Variants in TENM3 observed in about 807,000 individuals in gnomAD.
TENM3 encodes the protein teneurin transmembrane protein 3, also known as teneurin-3.
TENM3 carries 63 observed loss-of-function variants against 255.1 expected under a neutral mutation model. That is an observed-to-expected ratio of 0.25 (90% CI 0.20 to 0.30). The LOEUF (loss-of-function observed/expected upper bound fraction) is 0.30. TENM3 is among the 10% of genes least tolerant of loss of function. The pLI is 1.00. For synonymous variants in TENM3, 1,306 were observed against 1,322.3 expected (o/e 0.99, Z 0.27); for missense variants, 2,929 against 3,461.1 (o/e 0.85, Z 3.86).
chr4:182,044,726 T>C, the TENM3 span, among the ~76,000 whole-genome samples: 1 of 152,200 alleles, frequency 6.6e-6, no homozygotes, highest in East Asian at 1.9e-4. Context: ...CCCGGGCCTT[T>C]ATAGAATGGA....
intron 3 of TENM3, among the ~76,000 whole-genome samples, chr4:182,445,711 A>C (rs1043341762): frequency 2.8e-4 from 42 of 152,144 alleles, no homozygotes; most frequent in African/African-American, 9.7e-4. Flanking sequence ...ATGCCTAAAG[A>C]ACTGAATTCA....
intron 1 of TENM3, among the ~76,000 whole-genome samples, chr4:182,160,947 T>G (rs1169400636): frequency 2.0e-5 from 3 of 152,150 alleles, no homozygotes; most frequent in Non-Finnish European, 4.4e-5. Flanking sequence ...CATAGATATA[T>G]ACACTTGTCA....
intron 3 of TENM3, among the ~76,000 whole-genome samples, chr4:182,398,053 C>A (rs756392473): frequency 1.3e-5 from 2 of 152,090 alleles, no homozygotes; most frequent in Non-Finnish European, 2.9e-5. Context: ...AAGCAGTAGC[C>A]TGGACAGCCC....
chr4:182,433,623 T>G (rs184189976), intron 3 of TENM3, among the ~76,000 whole-genome samples: 2 of 152,156 alleles, frequency 1.3e-5, no homozygotes, highest in Non-Finnish European at 2.9e-5. Flanking sequence ...TCGAGTGGTC[T>G]CCTGAAATAA....
rs113331527 is a variant in TENM3 at position 182,652,612 on chromosome 4, T to G, written c.989-1159T>G. Among the ~76,000 whole-genome samples the G allele has an allele frequency of 6.3e-3, 953 of 152,326 alleles. 9 individuals carry two copies. The highest frequency in any genetic ancestry group is 0.022 in the African/African-American group (919 of 41,564). On this transcript the variant is annotated intron_variant, in intron 5 of 27. Transcript: ENST00000511685. The stretch of plus-strand genomic sequence containing the variant: ...TTCTAGACTGAAGATTGAACCAAAG[T>G]CTGACTGCATCCAAAGCCCCTGCTC...
chr4:181,534,404 C>T, the TENM3 span, among the ~76,000 whole-genome samples: 4 of 152,076 alleles, frequency 2.6e-5, no homozygotes, highest in African/African-American at 4.8e-5. Context: ...TAAACTAAGA[C>T]ATTTTAGTTC....
At chr4:182,526,174 G>C (rs886321216) in intron 3 of TENM3, among the ~76,000 whole-genome samples, 4 of 152,014 alleles carry the variant, frequency 2.6e-5, no homozygotes, top group Non-Finnish European at 5.9e-5. Context: ...TAGAGACGGG[G>C]TTTCACAGTG....
At chr4:181,679,649 G>A in the TENM3 span, among the ~76,000 whole-genome samples, 2 of 152,026 alleles carry the variant, frequency 1.3e-5, no homozygotes, top group South Asian at 4.1e-4. Context: ...CCTTCCTCCT[G>A]AGGGAATATA....
intron 3 of TENM3, among the ~76,000 whole-genome samples, chr4:182,361,186 G>A (rs1765949053): frequency 6.6e-6 from 1 of 152,016 alleles, no homozygotes; most frequent in Admixed American, 6.6e-5. Flanking sequence ...TGGTGAATCT[G>A]ACAATTATGT....
At chr4:181,873,353 GCCA>G in the TENM3 span, among the ~76,000 whole-genome samples, 1 of 152,166 alleles carries the variant, frequency 6.6e-6, no homozygotes, top group Non-Finnish European at 1.5e-5. Flanking sequence ...ACAGGCGTGA[GCCA>G]CCACGCCCGG....
chr4:182,080,336 AT>A, the TENM3 span, among the ~76,000 whole-genome samples: 1 of 152,204 alleles, frequency 6.6e-6, no homozygotes, highest in Non-Finnish European at 1.5e-5. Flanking sequence ...GTTTCAAGAC[AT>A]TGGAAGATAT....
At chr4:182,390,419 T>C (rs1768343095) in intron 3 of TENM3, among the ~76,000 whole-genome samples, 1 of 152,198 alleles carries the variant, frequency 6.6e-6, no homozygotes, top group Non-Finnish European at 1.5e-5. Context: ...GTGGTTGTTG[T>C]TGCCAAGGAC....
the TENM3 span, among the ~76,000 whole-genome samples, chr4:181,868,547 C>T: frequency 6.6e-6 from 1 of 152,170 alleles, no homozygotes; most frequent in Non-Finnish European, 1.5e-5. Flanking sequence ...TAAGCCTCTA[C>T]TTGTGTTCTT....
the TENM3 span, among the ~76,000 whole-genome samples, chr4:181,696,125 G>A: frequency 7.9e-5 from 12 of 152,114 alleles, no homozygotes; most frequent in East Asian, 1.9e-4. Flanking sequence ...ATGGTGAATC[G>A]TAAGACTAGT....
the TENM3 span, among the ~76,000 whole-genome samples, chr4:181,912,526 G>C: frequency 2.7e-3 from 417 of 152,190 alleles, 1 homozygote; most frequent in African/African-American, 9.6e-3. Context: ...GGTGGCTCAT[G>C]CTTGTAATCC....
rs959384721 is a variant in TENM3, at chr4:182,562,449, C to T, written c.512-38475C>T. ...TGAGAAATAGTTCTGTTGTTCCAGC[C>T]GCTGTTGCCTCATGTGTCCACACTC... is the stretch of plus-strand genomic sequence containing the variant. On this transcript the variant is annotated intron_variant, in intron 3 of 27. Coordinates refer to ENST00000511685, the MANE Select transcript of TENM3 (RefSeq NM_001080477.4). 4.6e-5 allele frequency among the ~76,000 whole-genome samples: 7 copies of T among 152,262 alleles called. No individual in the cohort carries two copies. The Middle Eastern group carries it at 0.01, about 222-fold the overall frequency.
chr4:181,854,660 T>C, the TENM3 span, among the ~76,000 whole-genome samples: 1 of 152,232 alleles, frequency 6.6e-6, no homozygotes, highest in Non-Finnish European at 1.5e-5. Context: ...TAGTGTTCCA[T>C]TACTCTTTTC....
chr4:182,711,151 C>T (rs1157103936), intron 12 of TENM3, among the ~76,000 whole-genome samples: 1 of 152,154 alleles, frequency 6.6e-6, no homozygotes, highest in Non-Finnish European at 1.5e-5. Context: ...GCTCAACAGT[C>T]TCCATTTCTT....
chr4:182,023,743 G>A, the TENM3 span, among the ~76,000 whole-genome samples: 2 of 152,168 alleles, frequency 1.3e-5, no homozygotes, highest in African/African-American at 2.4e-5. Context: ...TACCACAAAG[G>A]AAGTTTAGTT....
Sources: gnomAD v4.1 joint callset for allele counts (sites outside exome capture counted in the v4.1 genomes callset) on GRCh38, gnomAD v4.1.1 for gene constraint, MANE v1.5 for transcripts, NCBI Gene and HGNC (gene_info 2026-07-23, HGNC 2026-07-21) for gene names.